Variants in EGFLAM observed in about 807,000 individuals in gnomAD.
EGFLAM encodes the protein EGF like, fibronectin type III and laminin G domains, also known as pikachurin.
A neutral mutation model predicts 113.1 loss-of-function variants in EGFLAM; 79 were observed. The ratio of observed to expected loss-of-function variants is 0.70; its 90% confidence interval spans 0.58 to 0.84. The LOEUF (loss-of-function observed/expected upper bound fraction) is 0.84, where lower values mean the gene tolerates loss of function less well. Ranked by LOEUF, EGFLAM falls within the 40% of genes least tolerant of loss-of-function variation. The pLI is 0.00. For synonymous variants in EGFLAM, 504 were observed against 487.6 expected (o/e 1.03, Z -0.44); for missense variants, 1,265 against 1,291.6 (o/e 0.98, Z 0.32).
intron 17 of EGFLAM, among the ~76,000 whole-genome samples, chr5:38,443,240 T>G (rs547363526): frequency 5.3e-4 from 80 of 152,342 alleles, no homozygotes; most frequent in African/African-American, 1.8e-3. Context: ...CACTCCAGCC[T>G]GGGTGACAGA....
rs1355027111 is a variant in EGFLAM, at chr5:38,407,821, T to C, written c.1164T>C (p.Tyr388=). The C allele has an allele frequency of 1.2e-6, 2 of 1,612,342 alleles. No homozygotes were observed. The highest frequency in any genetic ancestry group is 1.7e-6 in the Non-Finnish European group (2 of 1,178,648). ...ESCSEDIVIQ[Y]PQFFGHSYVT... is the part of the protein sequence containing the mutation. Reference sequence around the variant, plus strand: ...CTTCTTCAGATATTGTTATCCAGTATCCTCAGTTCTTTGGCCACTCCTATG... The same window carrying C: ...CTTCTTCAGATATTGTTATCCAGTACCCTCAGTTCTTTGGCCACTCCTATG... Residue 388 remains tyrosine (Y), a synonymous_variant, in exon 9 of 22, where the codon TAT becomes TAC. Coordinates refer to ENST00000322350, the MANE Select transcript of EGFLAM (RefSeq NM_152403.4).
intron 11 of EGFLAM, among the ~76,000 whole-genome samples, chr5:38,416,933 T>C (rs767801910): frequency 3.3e-5 from 5 of 152,190 alleles, no homozygotes; most frequent in African/African-American, 4.8e-5. Flanking sequence ...AACAGAAGTT[T>C]AAAGTATCAA....
chr5:38,279,717 G>A (rs982211140), intron 1 of EGFLAM, among the ~76,000 whole-genome samples: 2 of 152,160 alleles, frequency 1.3e-5, no homozygotes, highest in African/African-American at 2.4e-5. Flanking sequence ...AGGCTGGGTG[G>A]TTAGTGGGGA....
chr5:38,325,158 C>G (rs1487935632), intron 1 of EGFLAM, among the ~76,000 whole-genome samples: 1 of 152,098 alleles, frequency 6.6e-6, no homozygotes, highest in Non-Finnish European at 1.5e-5. Context: ...AACAGGGAAT[C>G]TGGGCAGAGT....
chr5:38,423,887 G>A (rs1420964521), intron 12 of EGFLAM, among the ~76,000 whole-genome samples: 1 of 152,116 alleles, frequency 6.6e-6, no homozygotes, highest in Admixed American at 6.5e-5. Context: ...GAGTCTTTAT[G>A]AAAAGACTGG....
chr5:38,448,658 C>T (rs894849604), intron 18 of EGFLAM, among the ~76,000 whole-genome samples: 8 of 152,186 alleles, frequency 5.3e-5, no homozygotes, highest in East Asian at 3.9e-4. Flanking sequence ...GAGAGAGACA[C>T]GACTGGTCCC....
intron 15 of EGFLAM, among the ~76,000 whole-genome samples, chr5:38,433,090 T>G (rs1742237426): frequency 6.6e-6 from 1 of 152,206 alleles, no homozygotes; most frequent in African/African-American, 2.4e-5. Flanking sequence ...TAAACCTTCA[T>G]CAAGTCTTTT....
intron 17 of EGFLAM, among the ~76,000 whole-genome samples, chr5:38,441,876 A>T (rs1742546646): frequency 6.6e-6 from 1 of 151,984 alleles, no homozygotes; most frequent in African/African-American, 2.4e-5. Flanking sequence ...TTCAATTCAG[A>T]CTGTGCAGGA....
chr5:38,320,309 C>T (rs1472703350), intron 1 of EGFLAM, among the ~76,000 whole-genome samples: 2 of 152,186 alleles, frequency 1.3e-5, no homozygotes, highest in Admixed American at 1.3e-4. Flanking sequence ...TTCTTGGGAC[C>T]TCTTCCTGAC....
chr5:38,379,325 A>T (rs1480611956), intron 6 of EGFLAM, among the ~76,000 whole-genome samples: 1 of 152,194 alleles, frequency 6.6e-6, no homozygotes, highest in Non-Finnish European at 1.5e-5. Flanking sequence ...AAAAAAGTGA[A>T]TACCCCCAAA....
intron 15 of EGFLAM, among the ~76,000 whole-genome samples, chr5:38,433,803 A>G (rs1742261449): frequency 6.6e-6 from 1 of 152,258 alleles, no homozygotes; most frequent in South Asian, 2.1e-4. Context: ...CTGGGCCACA[A>G]GAATTCCTGA....
chr5:38,293,769 A>G (rs1561266667), intron 1 of EGFLAM, among the ~76,000 whole-genome samples: 1 of 152,204 alleles, frequency 6.6e-6, no homozygotes, highest in Admixed American at 6.5e-5. Context: ...GTCTACACAT[A>G]TGACTTTCAT....
chr5:38,417,954 A>G lies in EGFLAM; in HGVS notation c.1495-112A>G, dbSNP rs537666303. 6.7e-5 allele frequency: 74 copies of G among 1,099,064 alleles called. No homozygotes were observed. In the African/African-American group the frequency reaches 1.1e-3, roughly 16 times the overall value. 68.1% of individuals were successfully genotyped at this position (1,099,064 alleles called of 1,614,324 possible). A position where few individuals can be genotyped will look rare whatever the true frequency, so the allele number is the denominator to read the frequency against. On this transcript the variant is annotated intron_variant, in intron 11 of 21. Coordinates refer to ENST00000322350, the MANE Select transcript of EGFLAM (RefSeq NM_152403.4). ...TTAAAGATAAATACAGATGGAAGAA[A>G]ATGCTGGGGCTGTCACTGACGTCTT...
chr5:38,403,745 C>A, intron 6 of EGFLAM: 1 of 1,538,598 alleles, frequency 6.5e-7, no homozygotes, highest in South Asian at 1.2e-5. Flanking sequence ...AATGAAATTG[C>A]AGAAAGCAAA....
chr5:38,336,565 C>T lies in EGFLAM; in HGVS notation c.98-955C>T, dbSNP rs1225331952. Among the ~76,000 whole-genome samples, 2 of 98,752 alleles carry T rather than the reference C, an allele frequency of 2.0e-5. 1 individual carries two copies. Among genetic ancestry groups the T allele is most frequent in the African/African-American group, 1.2e-4 (2 of 16,372 alleles). 64.8% of individuals were successfully genotyped at this position (98,752 alleles called of 152,430 possible). The stretch of plus-strand genomic sequence containing the variant: ...CTCCAGCCTGGGCGACAGAGTGAGA[C>T]TCCGTACACACACACACACACACAC... On this transcript the variant is annotated intron_variant, in intron 1 of 21. Transcript: ENST00000322350.
At chr5:38,298,762 G>A (rs990249939) in intron 1 of EGFLAM, among the ~76,000 whole-genome samples, 3 of 152,016 alleles carry the variant, frequency 2.0e-5, no homozygotes, top group Non-Finnish European at 2.9e-5. Context: ...GTGCAGTGGT[G>A]TAATCATGGC....
chr5:38,287,568 C>T (rs1013773483), intron 1 of EGFLAM, among the ~76,000 whole-genome samples: 5 of 152,196 alleles, frequency 3.3e-5, no homozygotes, highest in Non-Finnish European at 7.3e-5. Flanking sequence ...GATTGGGCTT[C>T]GCCATGTTTC....
chr5:38,372,239 T>G (rs912748630), intron 6 of EGFLAM, among the ~76,000 whole-genome samples: 2 of 151,744 alleles, frequency 1.3e-5, no homozygotes, highest in African/African-American at 4.8e-5. Flanking sequence ...GCCTCCCAGG[T>G]TCAAGCAATT....
At chr5:38,276,668 C>T (rs544653806) in intron 1 of EGFLAM, among the ~76,000 whole-genome samples, 1 of 150,532 alleles carries the variant, frequency 6.6e-6, no homozygotes, top group Non-Finnish European at 1.5e-5. Flanking sequence ...ATAGAATTGA[C>T]AAACTTTTAG....
Sources: gnomAD v4.1 joint callset for allele counts (sites outside exome capture counted in the v4.1 genomes callset) on GRCh38, gnomAD v4.1.1 for gene constraint, MANE v1.5 for transcripts, NCBI Gene and HGNC (gene_info 2026-07-23, HGNC 2026-07-21) for gene names.